The following ELL2 variants were observed in gnomAD, a reference collection of about 807,000 sequenced individuals.
ELL2 encodes the protein elongation factor for RNA polymerase II 2.
In ELL2, 21 loss-of-function variants were observed where a neutral mutation model predicts 72.8. The observed-to-expected ratio is 0.29, with a 90% CI of 0.20 to 0.42. The LOEUF is 0.42. Ranked by LOEUF, ELL2 falls within the 10% of genes least tolerant of loss-of-function variation. The pLI, the probability that ELL2 is intolerant of heterozygous loss-of-function variation, is 1.00. For synonymous variants in ELL2, 266 were observed against 283.2 expected (o/e 0.94, Z 0.61); for missense variants, 568 against 772.8 (o/e 0.73, Z 3.14).
intron 4 of ELL2, chr5:95,913,522 C>T (rs1322457628): frequency 5.9e-6 from 2 of 340,386 alleles, no homozygotes; most frequent in Admixed American, 9.7e-5. Context: ...GATCCCAGTA[C>T]TATAAAATAA....
At chr5:95,908,129 CA>C (rs1749445706) in intron 4 of ELL2, among the ~76,000 whole-genome samples, 1 of 152,140 alleles carries the variant, frequency 6.6e-6, no homozygotes, top group Non-Finnish European at 1.5e-5. Context: ...CTAATGATAA[CA>C]AAAACTTAAG....
At chr5:95,904,544 C>T (rs1406772605) in intron 5 of ELL2, among the ~76,000 whole-genome samples, 3 of 152,166 alleles carry the variant, frequency 2.0e-5, no homozygotes, top group African/African-American at 7.2e-5. Context: ...ATTTTAAAAA[C>T]CTATTACTTT....
intron 8 of ELL2, among the ~76,000 whole-genome samples, chr5:95,897,516 C>CA: frequency 6.6e-6 from 1 of 152,288 alleles, no homozygotes; most frequent in East Asian, 1.9e-4. Flanking sequence ...TATGAATTAG[C>CA]TTTTCTTTAG....
At chr5:95,904,932 T>C (rs76793143) in intron 5 of ELL2, among the ~76,000 whole-genome samples, 99 of 152,310 alleles carry the variant, frequency 6.5e-4, no homozygotes, top group African/African-American at 2.3e-3. Flanking sequence ...GCCTGGCACA[T>C]AGTATATGCT....
chr5:95,925,800 T>C (rs2112320435), intron 2 of ELL2, among the ~76,000 whole-genome samples: 1 of 152,324 alleles, frequency 6.6e-6, no homozygotes, highest in East Asian at 1.9e-4. Context: ...TTGTATGGCC[T>C]CAGAACCCAC....
rs921133671 is a variant in ELL2, at chr5:95,961,780, C to A, written c.-59G>T. 4.1e-5 allele frequency: 62 copies of A among 1,505,596 alleles called. No individual in the cohort carries two copies. The highest frequency in any genetic ancestry group is 5.1e-5 in the Non-Finnish European group (58 of 1,130,248). 93.3% of individuals were successfully genotyped at this position (1,505,596 alleles called of 1,614,324 possible). A position where few individuals can be genotyped will look rare whatever the true frequency, so the allele number is the denominator to read the frequency against. ...CTCCGGCTCTAGCCTCCACTGCGGCCGCGGCTGCTTGGGCTTCTGCAGCCG... is the reference window on the plus strand; with the variant it reads ...CTCCGGCTCTAGCCTCCACTGCGGCAGCGGCTGCTTGGGCTTCTGCAGCCG... On this transcript the variant is annotated 5_prime_UTR_variant, in exon 1 of 12. Coordinates refer to ENST00000237853, the MANE Select transcript of ELL2 (RefSeq NM_012081.6).
At chr5:95,949,195 T>C (rs753412505) in intron 1 of ELL2, among the ~76,000 whole-genome samples, 25 of 152,326 alleles carry the variant, frequency 1.6e-4, no homozygotes, top group Middle Eastern at 3.4e-3. Context: ...GTCATTTTCC[T>C]AAGAAATATT....
intron 2 of ELL2, among the ~76,000 whole-genome samples, chr5:95,927,669 A>ATAGACATACACACACACGTGTG (rs1750409879): frequency 3.8e-5 from 2 of 52,224 alleles, no homozygotes; most frequent in Non-Finnish European, 3.4e-5. Context: ...ACACGTGTGT[A>ATAGACATACACACACACGTGTG]TATAGACATA....
intron 10 of ELL2, among the ~76,000 whole-genome samples, chr5:95,890,708 A>G (rs1748628776): frequency 6.6e-6 from 1 of 152,170 alleles, no homozygotes; most frequent in Non-Finnish European, 1.5e-5. Context: ...ATTCTATCTC[A>G]GATTGAGGTT....
At chr5:95,893,607 G>A (rs961739480) in intron 9 of ELL2, among the ~76,000 whole-genome samples, 3 of 152,098 alleles carry the variant, frequency 2.0e-5, no homozygotes, top group African/African-American at 7.2e-5. Flanking sequence ...GGATGGTCTC[G>A]ATCTCCTGAC....
At position 95,886,455 on chromosome 5, in the gene ELL2, C is replaced by T. The variant is rs998232889; in HGVS notation, c.*2416G>A. 1.3e-5 allele frequency: 2 copies of T among 152,164 alleles called. No homozygotes were observed. The highest frequency in any genetic ancestry group is 1.3e-4 in the Admixed American group (2 of 15,274). 9.4% of individuals were successfully genotyped at this position (152,164 alleles called of 1,614,324 possible). A position where few individuals can be genotyped will look rare whatever the true frequency, so the allele number is the denominator to read the frequency against. On this transcript the variant is annotated 3_prime_UTR_variant, in exon 12 of 12. Coordinates refer to ENST00000237853, the MANE Select transcript of ELL2 (RefSeq NM_012081.6). ...GCAATGCTGGATTTCCATTTAGCAT[C>T]TCCAGCTTTCATTGTTACCCAACTT...
At chr5:95,953,315 TTAACTC>T (rs540901523) in intron 1 of ELL2, among the ~76,000 whole-genome samples, 2 of 152,212 alleles carry the variant, frequency 1.3e-5, no homozygotes, top group African/African-American at 2.4e-5. Context: ...ATTTGGTAGT[TTAACTC>T]TACCTCTTAA....
At chr5:95,937,934 G>C (rs1320118131) in intron 2 of ELL2, among the ~76,000 whole-genome samples, 1 of 152,150 alleles carries the variant, frequency 6.6e-6, no homozygotes, top group African/African-American at 2.4e-5. Context: ...TCTTTGCTGT[G>C]TATTTCAAGC....
chr5:95,950,955 A>T (rs868483119), intron 1 of ELL2, among the ~76,000 whole-genome samples: 120 of 110,110 alleles, frequency 1.1e-3, no homozygotes, highest in African/African-American at 3.3e-3. Context: ...TATATATATA[A>T]AATCTTCATA....
intron 2 of ELL2, among the ~76,000 whole-genome samples, chr5:95,927,512 T>C (rs1375977483): frequency 3.0e-5 from 1 of 33,484 alleles, no homozygotes; most frequent in Non-Finnish European, 4.8e-5. Context: ...CACACACGTG[T>C]GTATATAGAC....
intron 1 of ELL2, among the ~76,000 whole-genome samples, chr5:95,951,194 C>G (rs913927643): frequency 6.6e-6 from 1 of 151,050 alleles, no homozygotes; most frequent in African/African-American, 2.4e-5. Flanking sequence ...ATGGTGAAAC[C>G]CTGTTTCTAC....
intron 10 of ELL2, among the ~76,000 whole-genome samples, 154 bp from the exon 11 acceptor site, chr5:95,889,284 A>T (rs1245881111): frequency 6.6e-6 from 1 of 152,212 alleles, no homozygotes; most frequent in Non-Finnish European, 1.5e-5. Context: ...GGCAACAGCT[A>T]TCAAAATAGT....
intron 4 of ELL2, among the ~76,000 whole-genome samples, chr5:95,910,051 T>C (rs1749524354): frequency 6.6e-6 from 1 of 152,214 alleles, no homozygotes; most frequent in African/African-American, 2.4e-5. Context: ...TCTCCACCAC[T>C]TGGCATTTGT....
At chr5:95,937,835 G>C (rs1750832089) in intron 2 of ELL2, among the ~76,000 whole-genome samples, 1 of 152,096 alleles carries the variant, frequency 6.6e-6, no homozygotes, top group African/African-American at 2.4e-5. Flanking sequence ...AAAACCAGTG[G>C]GCTAGCCAAA....
Sources: allele counts gnomAD v4.1 joint callset (sites outside exome capture counted in the v4.1 genomes callset), GRCh38; gene constraint gnomAD v4.1.1; transcripts MANE v1.5; gene names NCBI Gene and HGNC (gene_info 2026-07-23, HGNC 2026-07-21).